Variants in NRXN1 observed in about 807,000 individuals in gnomAD.
NRXN1 encodes the protein neurexin-1.
A neutral mutation model predicts 150.9 loss-of-function variants in NRXN1; 39 were observed. The ratio of observed to expected loss-of-function variants is 0.26; its 90% CI spans 0.20 to 0.34. NRXN1 has a LOEUF of 0.34. NRXN1 is among the 10% of genes least tolerant of loss of function. The pLI is 1.00. For synonymous variants in NRXN1, 924 were observed against 757.0 expected (o/e 1.22, Z -3.62); for missense variants, 1,815 against 1,949.9 (o/e 0.93, Z 1.30).
rs202054759 is a variant in NRXN1 at position 50,347,272 on chromosome 2, A to T, written c.3365-110302T>A. On this transcript the variant is annotated intron_variant, in intron 17 of 22. Transcript: ENST00000401669. This position sits in a 1 kb window ranked among gnomAD's most constrained non-coding sequence, Gnocchi z 4.9. ...CCAGGGCTCCAGGTTCTCGAGAGAT[A>T]CTCCCAAAGAGTTTCGGGCGAGAGT... 1 of 1,305,756 alleles carries T rather than the reference A, an allele frequency of 7.7e-7. No homozygotes were observed. The highest frequency in any genetic ancestry group is 1.0e-6 in the Non-Finnish European group (1 of 1,001,242). The allele number at this position is 1,305,756 out of a possible 1,614,324, so 80.9% of individuals were successfully genotyped here.
chr2:51,009,087 T>C (rs553755155), intron 2 of NRXN1, among the ~76,000 whole-genome samples: 2 of 152,042 alleles, frequency 1.3e-5, no homozygotes, highest in South Asian at 4.1e-4. Flanking sequence ...ACATGGATAG[T>C]CTGAATAAAC....
chr2:50,315,437 C>T (rs1206536499), intron 17 of NRXN1, among the ~76,000 whole-genome samples: 1 of 152,128 alleles, frequency 6.6e-6, no homozygotes, highest in African/African-American at 2.4e-5. Flanking sequence ...AAGCATTACA[C>T]ATAATCAGCA....
intron 12 of NRXN1, among the ~76,000 whole-genome samples, chr2:50,524,367 T>C (rs138416340): frequency 3.6e-4 from 55 of 152,086 alleles, no homozygotes; most frequent in African/African-American, 1.3e-3. Context: ...TAGTTCCAGC[T>C]ACTTGGAAGG....
intron 1 of NRXN1, among the ~76,000 whole-genome samples, chr2:51,030,703 A>G (rs899009853): frequency 6.6e-6 from 1 of 152,142 alleles, no homozygotes; most frequent in Non-Finnish European, 1.5e-5. Context: ...TCCTATATCA[A>G]ACCCGAGGAA....
chr2:50,297,329 T>C (rs1574978054), intron 17 of NRXN1, among the ~76,000 whole-genome samples: 1 of 152,208 alleles, frequency 6.6e-6, no homozygotes, highest in East Asian at 1.9e-4. Flanking sequence ...AGTTGGCAAT[T>C]TGGCTATGAA....
rs928917473 is a variant in NRXN1 at position 50,798,271 on chromosome 2, C to G, written c.832+123598G>C. ...CTCAAAATCCCAAATCAATATTTTCCTCAATAGTCAAAAAGCAGAATTTGT... is the reference window on the plus strand; with the variant it reads ...CTCAAAATCCCAAATCAATATTTTCGTCAATAGTCAAAAAGCAGAATTTGT... On this transcript the variant is annotated intron_variant, in intron 5 of 22. Coordinates refer to ENST00000401669, the MANE Select transcript of NRXN1 (RefSeq NM_001330078.2). 3.9e-5 allele frequency among the ~76,000 whole-genome samples: 6 copies of G among 151,974 alleles called. No individual in the cohort carries two copies. The East Asian group carries it at 1.2e-3, about 29-fold the overall frequency.
chr2:50,525,284 G>A (rs2092918933), intron 12 of NRXN1, among the ~76,000 whole-genome samples: 2 of 152,142 alleles, frequency 1.3e-5, no homozygotes, highest in South Asian at 2.1e-4. Flanking sequence ...TTTCTTTGAT[G>A]AGTTTTAAAA....
intron 2 of NRXN1, among the ~76,000 whole-genome samples, chr2:50,970,388 C>A (rs1003861364): frequency 6.6e-6 from 1 of 152,096 alleles, no homozygotes; most frequent in African/African-American, 2.4e-5. Flanking sequence ...CAAAAGCCCA[C>A]AACCGTATAT....
At chr2:50,038,942 G>T (rs1413263041) in intron 21 of NRXN1, among the ~76,000 whole-genome samples, 1 of 152,126 alleles carries the variant, frequency 6.6e-6, no homozygotes, top group African/African-American at 2.4e-5. Context: ...CACTTTTGGA[G>T]GCAGAGGTGG....
At chr2:50,872,754 A>T (rs1188211315) in intron 5 of NRXN1, among the ~76,000 whole-genome samples, 3 of 151,842 alleles carry the variant, frequency 2.0e-5, no homozygotes, top group Admixed American at 6.6e-5. Flanking sequence ...GAAGTTTAAG[A>T]GCACTCTGGG....
chr2:50,086,782 G>A (rs1288606246), intron 19 of NRXN1, among the ~76,000 whole-genome samples: 1 of 151,082 alleles, frequency 6.6e-6, no homozygotes, highest in Non-Finnish European at 1.5e-5. Flanking sequence ...TTGAATAATT[G>A]CTGGTTAAAA....
At chr2:50,542,982 C>T (rs2093421949) in intron 9 of NRXN1, among the ~76,000 whole-genome samples, 2 of 152,042 alleles carry the variant, frequency 1.3e-5, no homozygotes, top group African/African-American at 2.4e-5. Flanking sequence ...TTACAAAGAA[C>T]ACATCAAATT....
chr2:50,694,336 A>G (rs564995274), intron 5 of NRXN1, among the ~76,000 whole-genome samples: 17 of 152,280 alleles, frequency 1.1e-4, no homozygotes, highest in African/African-American at 3.9e-4. Context: ...ATGTTATTTT[A>G]TCTTTTTGCA....
chr2:50,436,482 T>G (rs926297589), intron 17 of NRXN1, among the ~76,000 whole-genome samples: 2 of 151,696 alleles, frequency 1.3e-5, no homozygotes, highest in East Asian at 1.9e-4. Context: ...TACAAAGAAG[T>G]GTTTAACACA....
intron 8 of NRXN1, among the ~76,000 whole-genome samples, chr2:50,609,477 A>G (rs763824688): frequency 2.0e-5 from 3 of 152,070 alleles, no homozygotes; most frequent in Non-Finnish European, 4.4e-5. Context: ...TTTATACTTG[A>G]TTGAGATATT....
chr2:50,822,939 A>C (rs1039611803), intron 5 of NRXN1, among the ~76,000 whole-genome samples: 11 of 152,190 alleles, frequency 7.2e-5, no homozygotes, highest in African/African-American at 2.7e-4. Flanking sequence ...CTGACTGATT[A>C]TGGGCTACCA....
intron 18 of NRXN1, among the ~76,000 whole-genome samples, chr2:50,213,722 A>T (rs1232672300): frequency 6.6e-6 from 1 of 151,658 alleles, no homozygotes; most frequent in Non-Finnish European, 1.5e-5. Flanking sequence ...TCTTGTTTGG[A>T]CTCCTAACCA....
chr2:50,776,671 C>G (rs1574437975), intron 5 of NRXN1, among the ~76,000 whole-genome samples: 1 of 151,608 alleles, frequency 6.6e-6, no homozygotes, highest in South Asian at 2.1e-4. Flanking sequence ...CACACACACA[C>G]ACACACATAC....
chr2:50,323,465 A>G (rs1271046549), intron 17 of NRXN1, among the ~76,000 whole-genome samples: 1 of 152,110 alleles, frequency 6.6e-6, no homozygotes, highest in Non-Finnish European at 1.5e-5. Context: ...TGTTCTAGGC[A>G]CTCAATACAT....
Sources: allele counts gnomAD v4.1 joint callset (sites outside exome capture counted in the v4.1 genomes callset), GRCh38; gene constraint gnomAD v4.1.1; non-coding constraint Gnocchi (gnomAD v3.1); transcripts MANE v1.5; gene names NCBI Gene and HGNC (gene_info 2026-07-23, HGNC 2026-07-21).